PCDHA10: variants seen among roughly 807,000 people sequenced by gnomAD.
PCDHA10 encodes protocadherin alpha-10.
In PCDHA10, 45 loss-of-function variants were observed where a neutral mutation model predicts 61.2. The observed-to-expected ratio is 0.74, with a 90% CI of 0.58 to 0.94. The LOEUF is 0.94. Ranked by LOEUF, PCDHA10 falls within the 40% of genes least tolerant of loss-of-function variation. The pLI is 0.00. For synonymous variants in PCDHA10, 602 were observed against 548.8 expected, an observed-to-expected ratio of 1.10 and a Z score of -1.35; for missense variants, 1,278 against 1,236.2, an observed-to-expected ratio of 1.03 and a Z score of -0.51.
chr5:140,997,781 C>G (rs1207024588), intron 3 of PCDHA10, among the ~76,000 whole-genome samples: 1 of 151,626 alleles, frequency 6.6e-6, no homozygotes, highest in Non-Finnish European at 1.5e-5. Context: ...TGTTGTATAC[C>G]TATATTATAA....
Position 140,856,985 on chromosome 5 carries a change from A to G in PCDHA10, c.937A>G (p.Asn313Asp), listed in dbSNP as rs1463839145. The G allele has an allele frequency of 6.3e-7, 1 of 1,595,232 alleles. No individual in the cohort carries two copies. Among genetic ancestry groups the G allele is most frequent in the Non-Finnish European group, 8.6e-7 (1 of 1,165,092 alleles). ...TGATGCTATTGACTTTGAGGACAGT[A>G]ACACTTATGAAATTCATGTAGATGT... The part of the protein sequence containing the change: ...VNDAIDFEDS[N>D]TYEIHVDVTD... The change falls in exon 1 of 4, where the codon AAC becomes GAC. Residue 313 changes from asparagine (N) to aspartate (D), a missense_variant. By Grantham distance (23) the Asn-to-Asp change is conservative. Transcript: ENST00000307360.
At chr5:140,972,871 C>G (rs1436283252) in intron 1 of PCDHA10, among the ~76,000 whole-genome samples, 1 of 152,030 alleles carries the variant, frequency 6.6e-6, no homozygotes, top group Non-Finnish European at 1.5e-5. Flanking sequence ...ATCATGTTGT[C>G]CAGGATGGTC....
At chr5:140,954,722 G>A (rs1554221565) in intron 1 of PCDHA10, among the ~76,000 whole-genome samples, 1 of 152,092 alleles carries the variant, frequency 6.6e-6, no homozygotes, top group African/African-American at 2.4e-5. Context: ...TCTGTAGGTT[G>A]TCTTTTCACT....
At chr5:141,005,824 G>T (rs1380044629) in intron 3 of PCDHA10, among the ~76,000 whole-genome samples, 2 of 151,660 alleles carry the variant, frequency 1.3e-5, no homozygotes, top group African/African-American at 4.8e-5. Flanking sequence ...ATGGTGGCCT[G>T]TAGTCCCAGC....
rs1430300644 is a variant in PCDHA10 at position 141,011,992 on chromosome 5, C to T, written c.*2055C>T. 6.5e-6 allele frequency: 1 copy of T among 153,658 alleles called. No individual in the cohort carries two copies. The highest frequency in any genetic ancestry group is 1.5e-5 in the Non-Finnish European group (1 of 68,022). 9.5% of individuals were successfully genotyped at this position (153,658 alleles called of 1,614,324 possible). ...TGTCTTGTCTACTTTTAGCTTCATTCTCCCATATTTTGAAGGGTGTGTAAC... is the reference window on the plus strand; with the variant it reads ...TGTCTTGTCTACTTTTAGCTTCATTTTCCCATATTTTGAAGGGTGTGTAAC... On this transcript the variant is annotated 3_prime_UTR_variant, in exon 4 of 4. Transcript: ENST00000307360.
intron 1 of PCDHA10, chr5:140,867,818 C>G (rs1319756642): frequency 6.6e-6 from 1 of 152,040 alleles, no homozygotes; most frequent in African/African-American, 2.4e-5. Flanking sequence ...AATTCCATTT[C>G]CACAAGCACT....
chr5:140,912,530 A>C (rs2075961098), intron 1 of PCDHA10, among the ~76,000 whole-genome samples: 2 of 152,178 alleles, frequency 1.3e-5, no homozygotes, highest in East Asian at 1.9e-4. Context: ...TTCAGAGTAC[A>C]TGATCATATT....
intron 1 of PCDHA10, chr5:140,927,930 G>A (rs782236455): frequency 1.9e-5 from 30 of 1,614,062 alleles, no homozygotes; most frequent in Admixed American, 5.0e-5. Flanking sequence ...TGACTCTTTC[G>A]AACCCAGTAC....
chr5:140,977,464 T>C (rs1245985019), intron 1 of PCDHA10, among the ~76,000 whole-genome samples: 1 of 152,256 alleles, frequency 6.6e-6, no homozygotes, highest in Non-Finnish European at 1.5e-5. Flanking sequence ...TGATTTGGTC[T>C]GTAGATAATT....
At position 140,985,761 on chromosome 5, in the gene PCDHA10, A is replaced by C. The variant is rs1239020885; in HGVS notation, c.2536+3198A>C. On this transcript the variant is annotated intron_variant, in intron 3 of 3. Transcript: ENST00000307360. ...TTCCTTTTTTTTTTTTTTTTTTTTGAGACAGTCTCGCTCTGTCGCCCAGGC... is the reference window on the plus strand; with the variant it reads ...TTCCTTTTTTTTTTTTTTTTTTTTGCGACAGTCTCGCTCTGTCGCCCAGGC... 7.9e-5 allele frequency among the ~76,000 whole-genome samples: 5 copies of C among 63,266 alleles called. No individual in the cohort carries two copies. In the East Asian group the frequency reaches 3.3e-3, roughly 41 times the overall value. 41.5% of individuals were successfully genotyped at this position (63,266 alleles called of 152,430 possible). A position where few individuals can be genotyped will look rare whatever the true frequency, so the allele number is the denominator to read the frequency against.
chr5:140,928,132 C>T (rs1563101702), intron 1 of PCDHA10: 1 of 1,614,100 alleles, frequency 6.2e-7, no homozygotes, highest in Non-Finnish European at 8.5e-7. Flanking sequence ...ATACCAAGTC[C>T]TGATCACGGC....
chr5:140,923,459 G>T (rs549692824), intron 1 of PCDHA10, among the ~76,000 whole-genome samples: 6 of 152,192 alleles, frequency 3.9e-5, no homozygotes, highest in Admixed American at 3.9e-4. Flanking sequence ...GCCCAGAGAG[G>T]TAGGGGCTGC....
intron 1 of PCDHA10, chr5:140,860,114 T>C (rs2046188052): frequency 6.6e-6 from 1 of 151,042 alleles, no homozygotes. Context: ...CATAGGGATA[T>C]CTTGTACTGT....
intron 1 of PCDHA10, chr5:140,862,613 A>G (rs1247840424): frequency 7.6e-6 from 4 of 522,928 alleles, no homozygotes; most frequent in Non-Finnish European, 1.6e-5. Flanking sequence ...GTGAAAGGTA[A>G]CAACCCGCGG....
intron 1 of PCDHA10, among the ~76,000 whole-genome samples, chr5:140,912,626 G>A (rs189482006): frequency 6.6e-6 from 1 of 152,190 alleles, no homozygotes; most frequent in East Asian, 1.9e-4. Context: ...CTCTGGATGA[G>A]ACTTTCAGTA....
intron 1 of PCDHA10, chr5:140,882,074 G>C (rs1276421996): frequency 1.1e-6 from 1 of 886,834 alleles, no homozygotes. Context: ...CATGCGCATG[G>C]TGTCGCTCTT....
chr5:140,877,789 A>C, intron 1 of PCDHA10: 1 of 1,614,072 alleles, frequency 6.2e-7, no homozygotes, highest in Non-Finnish European at 8.5e-7. Flanking sequence ...CATGGCCTTC[A>C]GCCCAAGCCT....
intron 1 of PCDHA10, among the ~76,000 whole-genome samples, chr5:140,951,473 C>G (rs1009151700): frequency 1.3e-5 from 2 of 151,880 alleles, no homozygotes; most frequent in Non-Finnish European, 2.9e-5. Context: ...TTCTGGGGAG[C>G]CTTCAAGAAT....
At chr5:141,001,705 G>A (rs2098033380) in intron 3 of PCDHA10, among the ~76,000 whole-genome samples, 1 of 152,194 alleles carries the variant, frequency 6.6e-6, no homozygotes, top group African/African-American at 2.4e-5. Context: ...GAAATAGGGG[G>A]CGGGGAAGGA....
Sources: allele counts gnomAD v4.1 joint callset (sites outside exome capture counted in the v4.1 genomes callset), GRCh38; gene constraint gnomAD v4.1.1; transcripts MANE v1.5; gene names NCBI Gene and HGNC (gene_info 2026-07-23, HGNC 2026-07-21).